The following PTK2 variants were observed in gnomAD, a reference collection of about 807,000 sequenced individuals.
The protein encoded by PTK2 is protein tyrosine kinase 2, also known as focal adhesion kinase 1.
In PTK2, 45 loss-of-function variants were observed where a neutral mutation model predicts 150.1. The observed-to-expected ratio is 0.30, with a 90% confidence interval of 0.24 to 0.38. The LOEUF (loss-of-function observed/expected upper bound fraction) is 0.38. PTK2 is among the 10% of genes least tolerant of loss of function. The pLI is 1.00. For synonymous variants in PTK2, 432 were observed against 449.2 expected, an observed-to-expected ratio of 0.96 and a Z score of 0.48; for missense variants, 919 against 1,307.3, an observed-to-expected ratio of 0.70 and a Z score of 4.58.
At chr8:140,827,548 G>T (rs1041637420) in intron 8 of PTK2, among the ~76,000 whole-genome samples, 1 of 152,032 alleles carries the variant, frequency 6.6e-6, no homozygotes, top group African/African-American at 2.4e-5. Context: ...TTTTTAGGGG[G>T]GTGGGGATGG....
rs540144839 is a variant in PTK2 at position 140,675,511 on chromosome 8, G to C, written c.2563-12C>G. 6.3e-7 allele frequency: 1 copy of C among 1,596,964 alleles called. No homozygotes were observed. The highest frequency in any genetic ancestry group is 2.2e-5 in the East Asian group (1 of 44,802). On this transcript the variant is annotated splice_polypyrimidine_tract_variant and intron_variant, in intron 27 of 31. Transcript: ENST00000522684. ...TGTTGGTTTCCAATCTGTGGGAAAAGAAAAGTTCAGTCAATGCACTGGTAT... is the reference window on the plus strand; with the variant it reads ...TGTTGGTTTCCAATCTGTGGGAAAACAAAAGTTCAGTCAATGCACTGGTAT...
At chr8:140,727,580 T>C (rs2100046654) in intron 22 of PTK2, among the ~76,000 whole-genome samples, 1 of 152,008 alleles carries the variant, frequency 6.6e-6, no homozygotes, top group African/African-American at 2.4e-5. Context: ...ACAAAATCGC[T>C]TAAAAAAAAC....
chr8:140,990,006 A>T (rs1330769619), intron 1 of PTK2, among the ~76,000 whole-genome samples: 3 of 152,090 alleles, frequency 2.0e-5, no homozygotes, highest in Non-Finnish European at 2.9e-5. Flanking sequence ...AGGGGTGCAG[A>T]GGGGAGACAG....
chr8:140,863,673 C>T (rs909482247), intron 5 of PTK2, among the ~76,000 whole-genome samples: 4 of 152,202 alleles, frequency 2.6e-5, no homozygotes, highest in South Asian at 2.1e-4. Flanking sequence ...TGCACAGTCA[C>T]GTCATTTGTG....
chr8:140,714,042 C>T (rs1340299802), intron 23 of PTK2, among the ~76,000 whole-genome samples: 1 of 152,058 alleles, frequency 6.6e-6, no homozygotes, highest in Non-Finnish European at 1.5e-5. Context: ...GCACACGCCA[C>T]TAAATTTGGC....
intron 2 of PTK2, among the ~76,000 whole-genome samples, chr8:140,896,432 A>G (rs1346568151): frequency 1.3e-5 from 2 of 152,274 alleles, no homozygotes; most frequent in African/African-American, 4.8e-5. Flanking sequence ...GGAATAATGT[A>G]TCATGACCAA....
intron 13 of PTK2, among the ~76,000 whole-genome samples, chr8:140,792,459 C>T (rs2100089026): frequency 6.6e-6 from 1 of 152,196 alleles, no homozygotes; most frequent in African/African-American, 2.4e-5. Context: ...CCCTGGACTT[C>T]ACCCCATGCA....
At position 140,942,545 on chromosome 8, in the gene PTK2, A is replaced by C. The variant is rs1569297237; in HGVS notation, c.-121-16796T>G. Among the ~76,000 whole-genome samples the C allele has an allele frequency of 2.6e-5, 4 of 152,314 alleles. No individual in the cohort carries two copies. The East Asian group carries it at 5.8e-4, about 22-fold the overall frequency. Reference sequence around the variant, plus strand: ...CAGTGTCTACACTGAAATCTACTTCACTTCAACTTTGGTGGTACCTAATCC... The same window carrying C: ...CAGTGTCTACACTGAAATCTACTTCCCTTCAACTTTGGTGGTACCTAATCC... On this transcript the variant is annotated intron_variant, in intron 1 of 31. Transcript: ENST00000522684.
chr8:140,963,064 T>A (rs1311123333), intron 1 of PTK2, among the ~76,000 whole-genome samples: 1 of 152,080 alleles, frequency 6.6e-6, no homozygotes, highest in Non-Finnish European at 1.5e-5. Flanking sequence ...GTGCTATAGT[T>A]TCCTCAGCCC....
rs71308981 is a variant in PTK2, at chr8:140,697,852, GTTTTTTTTTTTTT to G, written c.2499+3026_2499+3038del. Among the ~76,000 whole-genome samples, 319 of 48,048 alleles carry G rather than the reference GTTTTTTTTTTTTT, an allele frequency of 6.6e-3. 3 individuals are homozygous for G. The highest frequency in any genetic ancestry group is 0.045 in the East Asian group (51 of 1,128). 31.5% of individuals were successfully genotyped at this position (48,048 alleles called of 152,430 possible). On this transcript the variant is annotated intron_variant, in intron 26 of 31. Coordinates refer to ENST00000522684, the Ensembl canonical transcript of PTK2. ...GATCCTCCTCCCTTTAGGGTTTACT[GTTTTTTTTTTTTT>G]TTTTTTTTTTTTTTTTGCCACAGGG... is the stretch of plus-strand genomic sequence containing the variant.
rs2100024525 is a variant in PTK2 at position 140,693,589 on chromosome 8, A to AG, written c.2500-6896_2500-6895insC. 9.0e-4 allele frequency among the ~76,000 whole-genome samples: 127 copies of AG among 141,568 alleles called. 1 individual carries two copies. The highest frequency in any genetic ancestry group is 3.0e-3 in the African/African-American group (108 of 36,460). 92.9% of individuals were successfully genotyped at this position (141,568 alleles called of 152,430 possible). A position where few individuals can be genotyped will look rare whatever the true frequency, so the allele number is the denominator to read the frequency against. ...TAAAAAAAAAAAAAAAAAAAAAAAAAAAAAAAAAAAAAAGGAGCACTAGGT... is the reference window on the plus strand; with the variant it reads ...TAAAAAAAAAAAAAAAAAAAAAAAAAGAAAAAAAAAAAAAGGAGCACTAGGT... On this transcript the variant is annotated intron_variant, in intron 26 of 31. Coordinates refer to ENST00000522684, the Ensembl canonical transcript of PTK2.
chr8:140,736,327 CAT>C (rs1218953180), intron 21 of PTK2, among the ~76,000 whole-genome samples: 2 of 152,048 alleles, frequency 1.3e-5, no homozygotes, highest in African/African-American at 2.4e-5. Flanking sequence ...ACCCTGGATA[CAT>C]ATGGACATGA....
At chr8:140,805,886 C>T (rs965551042) in intron 10 of PTK2, among the ~76,000 whole-genome samples, 2 of 152,186 alleles carry the variant, frequency 1.3e-5, no homozygotes, top group African/African-American at 4.8e-5. Context: ...TCATAACTTG[C>T]ATGATTTACA....
chr8:140,996,865 C>G (rs752820479), intron 1 of PTK2, among the ~76,000 whole-genome samples: 17 of 152,104 alleles, frequency 1.1e-4, no homozygotes, highest in Admixed American at 1.3e-4. Flanking sequence ...ATTCTACAGC[C>G]CATAGATTAA....
chr8:140,689,179 T>C (rs2100021689), intron 26 of PTK2, among the ~76,000 whole-genome samples: 1 of 152,230 alleles, frequency 6.6e-6, no homozygotes, highest in African/African-American at 2.4e-5. Context: ...CTATTCCATG[T>C]AGCAGAACTC....
intron 8 of PTK2, among the ~76,000 whole-genome samples, chr8:140,825,534 G>C (rs1454891226): frequency 2.0e-5 from 3 of 152,142 alleles, no homozygotes; most frequent in Non-Finnish European, 2.9e-5. Flanking sequence ...GGTTTCTACT[G>C]TGCATTATAT....
chr8:140,683,089 G>C (rs994011971), intron 27 of PTK2, among the ~76,000 whole-genome samples: 2 of 151,798 alleles, frequency 1.3e-5, no homozygotes, highest in Admixed American at 1.3e-4. Context: ...GAATACATAA[G>C]AATGACTGAT....
chr8:140,766,124 T>C (rs1031040080), intron 14 of PTK2, among the ~76,000 whole-genome samples: 2 of 152,206 alleles, frequency 1.3e-5, no homozygotes, highest in African/African-American at 4.8e-5. Context: ...CTTCCCCAGC[T>C]GCCCTGTTAT....
At chr8:140,932,120 C>G (rs2100172043) in intron 1 of PTK2, among the ~76,000 whole-genome samples, 1 of 152,162 alleles carries the variant, frequency 6.6e-6, no homozygotes, top group Non-Finnish European at 1.5e-5. Context: ...CCACATGACT[C>G]TCAGGGGTTT....
Sources: gnomAD v4.1 joint callset for allele counts (sites outside exome capture counted in the v4.1 genomes callset) on GRCh38, gnomAD v4.1.1 for gene constraint, MANE v1.5 for transcripts, NCBI Gene and HGNC (gene_info 2026-07-23, HGNC 2026-07-21) for gene names.